Variants in GRID2 observed in about 807,000 individuals in gnomAD.
The protein encoded by GRID2 is glutamate receptor ionotropic, delta-2.
In GRID2, 33 loss-of-function variants were observed where a neutral mutation model predicts 114.8. The ratio of observed to expected loss-of-function variants is 0.29; its 90% CI spans 0.22 to 0.38. The LOEUF (loss-of-function observed/expected upper bound fraction) is 0.38, where lower values mean the gene tolerates loss of function less well. Ranked by LOEUF, GRID2 falls within the 10% of genes least tolerant of loss-of-function variation. The pLI is 1.00. For synonymous variants in GRID2, 505 were observed against 449.9 expected (o/e 1.12, Z -1.55); for missense variants, 1,184 against 1,257.7 (o/e 0.94, Z 0.89).
At chr4:92,679,982 T>C (rs1733567801) in intron 2 of GRID2, among the ~76,000 whole-genome samples, 1 of 151,810 alleles carries the variant, frequency 6.6e-6, no homozygotes, top group African/African-American at 2.4e-5. Flanking sequence ...CTGTATTTGA[T>C]ATTTATATAG....
At chr4:93,547,315 A>G (rs1733319444) in intron 13 of GRID2, among the ~76,000 whole-genome samples, 1 of 152,178 alleles carries the variant, frequency 6.6e-6, no homozygotes. Flanking sequence ...CTGAGGACTG[A>G]AGTTTCTAAA....
At chr4:92,445,173 T>C (rs1350285944) in intron 1 of GRID2, among the ~76,000 whole-genome samples, 1 of 152,208 alleles carries the variant, frequency 6.6e-6, no homozygotes, top group African/African-American at 2.4e-5. Context: ...TGCTACAAAG[T>C]AGATGATTTG....
chr4:92,749,310 C>CTATTT (rs1295067924), intron 2 of GRID2, among the ~76,000 whole-genome samples: 1 of 72,006 alleles, frequency 1.4e-5, no homozygotes. Context: ...TGATTTGTAG[C>CTATTT]TTTTTTTTTT....
At position 93,626,332 on chromosome 4, in the gene GRID2, G is replaced by A; in HGVS notation, c.2257G>A (p.Asp753Asn). Residue 753 changes from aspartate to asparagine, a missense_variant, in exon 14 of 16, where the codon GAC (aspartate) becomes AAC (asparagine). By Grantham distance (23) the Asp-to-Asn change is conservative (BLOSUM62 1). This residue lies in a region of GRID2 where 717 missense variants were observed against 796.9 expected (regional missense o/e 0.90). Transcript: ENST00000282020. ...TGTATTGGAATATGTGGCTATCAATGACCCAGATTGTTCCTTTTACACCAT... is the reference window on the plus strand; with the variant it reads ...TGTATTGGAATATGTGGCTATCAATAACCCAGATTGTTCCTTTTACACCAT... ...AAVLEYVAIN[D>N]PDCSFYTIGN... 4 of 1,602,408 alleles carry A rather than the reference G, an allele frequency of 2.5e-6. No homozygotes were observed. The highest frequency in any genetic ancestry group is 3.4e-6 in the Non-Finnish European group (4 of 1,169,554).
At chr4:93,170,164 A>G (rs183778166) in intron 4 of GRID2, among the ~76,000 whole-genome samples, 144 of 152,208 alleles carry the variant, frequency 9.5e-4, no homozygotes, top group African/African-American at 3.3e-3. Context: ...GCTCACTGCA[A>G]TCACCACCTC....
intron 14 of GRID2, among the ~76,000 whole-genome samples, chr4:93,740,603 A>G (rs557998792): frequency 1.3e-5 from 2 of 152,340 alleles, no homozygotes; most frequent in South Asian, 2.1e-4. Flanking sequence ...TTTGAGACAT[A>G]AAGTGTATAG....
chr4:93,322,221 A>G (rs1757306173), intron 8 of GRID2, among the ~76,000 whole-genome samples: 1 of 151,614 alleles, frequency 6.6e-6, no homozygotes, highest in Non-Finnish European at 1.5e-5. Flanking sequence ...AACAGGCCCC[A>G]GTGTGTGATG....
intron 2 of GRID2, among the ~76,000 whole-genome samples, chr4:92,991,959 A>G (rs1305831719): frequency 6.6e-6 from 1 of 152,146 alleles, no homozygotes; most frequent in Non-Finnish European, 1.5e-5. Flanking sequence ...CTTTATATCA[A>G]CGTATGTGAG....
chr4:93,166,619 A>C (rs1200576406), intron 4 of GRID2, among the ~76,000 whole-genome samples: 1 of 152,188 alleles, frequency 6.6e-6, no homozygotes, highest in Non-Finnish European at 1.5e-5. Flanking sequence ...GATGTTTCAG[A>C]ATTTAACAAT....
At chr4:93,414,572 C>T (rs1212612124) in intron 9 of GRID2, among the ~76,000 whole-genome samples, 1 of 152,002 alleles carries the variant, frequency 6.6e-6, no homozygotes, top group African/African-American at 2.4e-5. Flanking sequence ...TGTCTGAATG[C>T]TGTTTCTACA....
intron 10 of GRID2, among the ~76,000 whole-genome samples, chr4:93,433,379 A>G (rs1259932383): frequency 2.6e-5 from 4 of 152,210 alleles, no homozygotes; most frequent in Non-Finnish European, 5.9e-5. Context: ...ATGAGACCTC[A>G]GAAAGCACAT....
rs1257303875 is a variant in GRID2 at position 92,370,698 on chromosome 4, G to C, written c.88+65954G>C. Among the ~76,000 whole-genome samples, 7 of 151,250 alleles carry C rather than the reference G, an allele frequency of 4.6e-5. No homozygotes were observed. The South Asian group carries it at 1.5e-3, about 32-fold the overall frequency. ...TTTCATTTTCAATCAAAAGCTAAAAGAGAGTAAGCTTAGTGAGGAAGGCAT... is the reference window on the plus strand; with the variant it reads ...TTTCATTTTCAATCAAAAGCTAAAACAGAGTAAGCTTAGTGAGGAAGGCAT... On this transcript the variant is annotated intron_variant, in intron 1 of 15. Coordinates refer to ENST00000282020, the MANE Select transcript of GRID2 (RefSeq NM_001510.4).
At chr4:92,379,069 AT>A (rs1041410763) in intron 1 of GRID2, among the ~76,000 whole-genome samples, 3 of 152,030 alleles carry the variant, frequency 2.0e-5, no homozygotes, top group Middle Eastern at 3.4e-3. Flanking sequence ...TGTATTTTCC[AT>A]TTTTTTAAAC....
chr4:92,404,929 C>T (rs556561404), intron 1 of GRID2, among the ~76,000 whole-genome samples: 23 of 152,214 alleles, frequency 1.5e-4, no homozygotes, highest in African/African-American at 5.1e-4. Context: ...GCATGAGAGT[C>T]TTAATATCTA....
At chr4:92,680,738 A>T (rs1733611085) in intron 2 of GRID2, among the ~76,000 whole-genome samples, 1 of 152,194 alleles carries the variant, frequency 6.6e-6, no homozygotes, top group South Asian at 2.1e-4. Flanking sequence ...ACTAATGAAA[A>T]TGCACAGTTT....
At chr4:93,003,554 C>G (rs1490844764) in intron 2 of GRID2, among the ~76,000 whole-genome samples, 1 of 151,920 alleles carries the variant, frequency 6.6e-6, no homozygotes, top group Non-Finnish European at 1.5e-5. Context: ...TGTGATATTA[C>G]TTTTCTTATC....
intron 2 of GRID2, among the ~76,000 whole-genome samples, chr4:92,771,057 T>G (rs1738519417): frequency 6.7e-6 from 1 of 150,170 alleles, no homozygotes; most frequent in Non-Finnish European, 1.5e-5. Flanking sequence ...TTTTTGCCAA[T>G]ACCTAAGGTG....
At chr4:92,323,542 T>C (rs994457562) in intron 1 of GRID2, among the ~76,000 whole-genome samples, 6 of 152,080 alleles carry the variant, frequency 3.9e-5, no homozygotes, top group African/African-American at 9.7e-5. Context: ...CTTCCCCTCA[T>C]TCTCTTGCTC....
At chr4:93,520,163 C>T (rs1166065840) in intron 13 of GRID2, among the ~76,000 whole-genome samples, 2 of 152,128 alleles carry the variant, frequency 1.3e-5, no homozygotes, top group African/African-American at 4.8e-5. Context: ...ATTTTACATA[C>T]TCATTCAACA....
Sources: allele counts gnomAD v4.1 joint callset (sites outside exome capture counted in the v4.1 genomes callset), GRCh38; gene constraint gnomAD v4.1.1; regional missense constraint gnomAD v4.1.1; transcripts MANE v1.5; gene names NCBI Gene and HGNC (gene_info 2026-07-23, HGNC 2026-07-21).